Variants in NPC1 observed in about 807,000 individuals in gnomAD.
NPC1 encodes the protein Niemann-Pick C1 protein.
In NPC1, 85 loss-of-function variants were observed where a neutral mutation model predicts 140.4. The observed-to-expected ratio is 0.61, with a 90% CI of 0.51 to 0.72. The LOEUF (loss-of-function observed/expected upper bound fraction) is 0.72. Among genes scored for constraint, NPC1 ranks in the 30% least tolerant of loss-of-function variants. The pLI, the probability that NPC1 is intolerant of heterozygous loss-of-function variation, is 0.00. For synonymous variants in NPC1, 656 were observed against 624.8 expected (o/e 1.05, Z -0.74); for missense variants, 1,504 against 1,623.8 (o/e 0.93, Z 1.27).
chr18:23,560,239 CCA>C lies in NPC1; in HGVS notation c.871_872del (p.Trp291ValfsTer16). 3.7e-6 allele frequency: 6 copies of C among 1,614,128 alleles called. No individual in the cohort carries two copies. Among genetic ancestry groups the C allele is most frequent in the Non-Finnish European group, 5.1e-6 (6 of 1,180,016 alleles). On this transcript the variant is annotated frameshift_variant, in exon 6 of 25. Coordinates refer to ENST00000269228, the MANE Select transcript of NPC1 (RefSeq NM_000271.5). LOFTEE classifies it high-confidence loss of function. ...LVFFGAFFAV[W>X]CYRKRYFVSE... is the part of the protein sequence containing the mutation. ...CAAACAAAACTGCTTACCTGTAGCACCACACTGCAAAAAATGCTCCAAAAAAC... is the reference window on the plus strand; with the variant it reads ...CAAACAAAACTGCTTACCTGTAGCACCACTGCAAAAAATGCTCCAAAAAAC...
intron 3 of NPC1, among the ~76,000 whole-genome samples, chr18:23,569,814 A>G (rs930734015): frequency 6.6e-6 from 1 of 152,178 alleles, no homozygotes; most frequent in Non-Finnish European, 1.5e-5. Context: ...GGAGCACACA[A>G]CTGCACAAGA....
chr18:23,575,068 G>C (rs1057182567), intron 1 of NPC1, among the ~76,000 whole-genome samples: 1 of 152,196 alleles, frequency 6.6e-6, no homozygotes, highest in Non-Finnish European at 1.5e-5. Flanking sequence ...CCTAGACCTC[G>C]CAGAACTCTC....
rs150053420 is a variant in NPC1, at chr18:23,556,454, C to T, written c.1115G>A (p.Arg372Gln). ...GAGGTCAACTGGATTGGTTGTGACC[C>T]GGACAAACACCAGGCCTGACGAACA... ...TACSSGLVFV[R>Q]VTTNPVDLWS... is the part of the protein sequence containing the mutation. The change falls in exon 8 of 25, where the codon CGG becomes CAG. Residue 372 changes from arginine (R) to glutamine (Q), a missense_variant. Physicochemically the swap from Arg to Gln is conservative, Grantham distance 43. Coordinates refer to ENST00000269228, the MANE Select transcript of NPC1 (RefSeq NM_000271.5). The T allele has an allele frequency of 4.5e-5, 73 of 1,614,102 alleles. No homozygotes were observed. Among genetic ancestry groups the T allele is most frequent in the South Asian group, 1.3e-4 (12 of 91,074 alleles).
At chr18:23,529,410 G>T, downstream of NPC1, 1 of 1,452,590 alleles carries the variant, frequency 6.9e-7, no homozygotes, top group East Asian at 2.4e-5. Flanking sequence ...TAGAATCACT[G>T]GAGTTTCCTT....
At chr18:23,516,469 A>G in intron 3 of NPC1, 1 of 1,577,080 alleles carries the variant, frequency 6.3e-7, no homozygotes. Context: ...TGCTTTCAGT[A>G]ATATAAATAA....
At chr18:23,515,132 G>A (rs548905676) in intron 3 of NPC1, among the ~76,000 whole-genome samples, 1 of 152,270 alleles carries the variant, frequency 6.6e-6, no homozygotes, top group African/African-American at 2.4e-5. Context: ...TCCTGGAGGT[G>A]TCAGTTTCTT....
intron 2 of NPC1, 108 bp downstream of exon 2, chr18:23,573,344 C>CTGTTA (rs2059230274): frequency 6.9e-7 from 1 of 1,458,446 alleles, no homozygotes; most frequent in Non-Finnish European, 9.6e-7. Flanking sequence ...AGACTTAAGC[C>CTGTTA]TGTTAGTCTC....
intron 4 of NPC1, among the ~76,000 whole-genome samples, chr18:23,566,526 C>T (rs1202740739): frequency 6.6e-6 from 1 of 152,130 alleles, no homozygotes; most frequent in Non-Finnish European, 1.5e-5. Context: ...AGGAGGATCA[C>T]TTAAGGCCAG....
chr18:23,560,418 CCACAGA>C lies in NPC1; in HGVS notation c.688_693del (p.Ser230_Val231del), dbSNP rs758687942. The C allele has an allele frequency of 4.0e-5, 64 of 1,614,074 alleles. No homozygotes were observed. The highest frequency in any genetic ancestry group is 5.0e-5 in the Non-Finnish European group (59 of 1,180,024). The stretch of plus-strand genomic sequence containing the variant: ...CAGCTACATGGTGCTGTGACCTCAT[CCACAGA>C]CTCGTCACAGCCTTTGGTGGCATTG... On this transcript the variant is annotated inframe_deletion, in exon 6 of 25. Coordinates refer to ENST00000269228, the MANE Select transcript of NPC1 (RefSeq NM_000271.5).
At chr18:23,578,427 G>A (rs1039565874) in intron 1 of NPC1, among the ~76,000 whole-genome samples, 3 of 152,260 alleles carry the variant, frequency 2.0e-5, no homozygotes, top group African/African-American at 7.2e-5. Flanking sequence ...AAACCCCACC[G>A]TGTGCAAGAG....
At chr18:23,566,858 C>T (rs968284640) in intron 4 of NPC1, among the ~76,000 whole-genome samples, 1 of 152,214 alleles carries the variant, frequency 6.6e-6, no homozygotes, top group African/African-American at 2.4e-5. Context: ...TCTCCTAACC[C>T]ATGGCAATCA....
Position 23,543,572 on chromosome 18 carries a change from TAAAAAA to T in NPC1, c.2131-9_2131-4del. On this transcript the variant is annotated splice_region_variant and splice_polypyrimidine_tract_variant and intron_variant, in intron 13 of 24. Transcript: ENST00000269228. Reference sequence around the variant, plus strand: ...TCCCCTTGAAGACGTTCATCTCTCTTAAAAAAAAAAAAAAAAAATTATGCGACATTA... The same window carrying T: ...TCCCCTTGAAGACGTTCATCTCTCTTAAAAAAAAAAAATTATGCGACATTA... The T allele has an allele frequency of 5.0e-6, 6 of 1,205,220 alleles. No homozygotes were observed. The highest frequency in any genetic ancestry group is 1.6e-5 in the African/African-American group (1 of 62,942). The allele number at this position is 1,205,220 out of a possible 1,614,324, so 74.7% of individuals were successfully genotyped here.
rs757534240 is a variant in NPC1 at position 23,538,608 on chromosome 18, C to A, written c.2975G>T (p.Gly992Val). The change falls in exon 20 of 25, where the codon GGG becomes GTG. Residue 992 changes from glycine (G) to valine (V), a missense_variant. Transcript: ENST00000269228. ...GGGCAGGAATCTCATGAAGTCTCCCCCCTGAGGCCTCTGTTTGCCTTCCGG... is the reference window on the plus strand; with the variant it reads ...GGGCAGGAATCTCATGAAGTCTCCCACCTGAGGCCTCTGTTTGCCTTCCGG... ...LTPEGKQRPQ[G>V]GDFMRFLPMF... The A allele has an allele frequency of 6.2e-7, 1 of 1,614,194 alleles. No homozygotes were observed. Among genetic ancestry groups the A allele is most frequent in the Non-Finnish European group, 8.5e-7 (1 of 1,180,024 alleles).
intron 9 of NPC1, among the ~76,000 whole-genome samples, chr18:23,553,677 C>A (rs1439363052): frequency 6.6e-6 from 1 of 152,208 alleles, no homozygotes. Flanking sequence ...GGCCAGGTCC[C>A]TAGCATTCAG....
intron 24 of NPC1, chr18:23,532,815 A>G (rs1567941715): frequency 2.7e-5 from 25 of 934,058 alleles, no homozygotes; most frequent in Non-Finnish European, 3.1e-5. Context: ...CAGTGCTTCA[A>G]TTTAGTGACA....
rs55724504 is a variant in NPC1, at chr18:23,534,476, C to A, written c.3561G>T (p.Ala1187=). ...VSMKGSRVER[A]EEALAHMGSS... ...TGCCCATGTGGGCAAGTGCCTCTTC[C>A]GCGCGCTCCACGCGGCTGCCTTTCA... Residue 1187 remains alanine (A), a synonymous_variant, in exon 23 of 25, where the codon GCG becomes GCT. Transcript: ENST00000269228. The A allele has an allele frequency of 2.2e-3, 3,599 of 1,613,866 alleles. 6 individuals are homozygous for A. Among genetic ancestry groups the A allele is most frequent in the Middle Eastern group, 9.7e-3 (59 of 6,062 alleles).
At chr18:23,532,374 G>C in intron 24 of NPC1, 90 bp from the exon 25 acceptor site, 1 of 1,375,274 alleles carries the variant, frequency 7.3e-7, no homozygotes, top group Middle Eastern at 1.8e-4. Flanking sequence ...ATCCCACTTT[G>C]GAAGACTGAG....
At chr18:23,527,715 T>A (rs997709123), downstream of NPC1, 2 of 1,166,380 alleles carry the variant, frequency 1.7e-6, no homozygotes, top group Non-Finnish European at 2.6e-6. Context: ...TGAGATTAGT[T>A]TTTATCATAG....
At chr18:23,512,903 T>C (rs1379261779) in intron 3 of NPC1, among the ~76,000 whole-genome samples, 2 of 152,140 alleles carry the variant, frequency 1.3e-5, no homozygotes, top group African/African-American at 4.8e-5. Context: ...ACTCCCCTTA[T>C]CCCTTCCCTG....
Sources: gnomAD v4.1 joint callset for allele counts (sites outside exome capture counted in the v4.1 genomes callset) on GRCh38, gnomAD v4.1.1 for gene constraint, MANE v1.5 for transcripts, NCBI Gene and HGNC (gene_info 2026-07-23, HGNC 2026-07-21) for gene names.